The following PPIG variants were observed in gnomAD, a reference collection of about 807,000 sequenced individuals.
The protein encoded by PPIG is peptidylprolyl isomerase G, also known as peptidyl-prolyl cis-trans isomerase G.
Under a neutral mutation model 87.9 loss-of-function variants are expected in PPIG, and 26 were observed. That is an observed-to-expected ratio of 0.30 (90% CI 0.22 to 0.41). The LOEUF (loss-of-function observed/expected upper bound fraction) is 0.41. Ranked by LOEUF, PPIG falls within the 10% of genes least tolerant of loss-of-function variation. PPIG has a pLI of 1.00. For missense variants in PPIG, 722 were observed against 879.4 expected (o/e 0.82, Z 2.26); for synonymous variants, 308 against 276.5 (o/e 1.11, Z -1.13).
At chr2:169,629,747 A>ATGTTGTGATGATGATATC (rs1454597443) in intron 9 of PPIG, among the ~76,000 whole-genome samples, 13 of 152,314 alleles carry the variant, frequency 8.5e-5, no homozygotes, top group Non-Finnish European at 2.9e-5. Flanking sequence ...CCTCACAAGA[A>ATGTTGTGATGATGATATC]GTTGTAAAAC....
intron 9 of PPIG, among the ~76,000 whole-genome samples, chr2:169,616,545 C>T (rs11687106): frequency 3.3e-5 from 5 of 151,976 alleles, no homozygotes; most frequent in South Asian, 4.1e-4. Context: ...TTCTAACTGG[C>T]GTGAGATGGT....
chr2:169,600,452 G>A (rs753037389), intron 1 of PPIG, among the ~76,000 whole-genome samples: 16 of 152,130 alleles, frequency 1.1e-4, no homozygotes, highest in Admixed American at 4.6e-4. Flanking sequence ...ATATTATTGC[G>A]GATTTCTGAC....
Position 169,638,578 on chromosome 2 carries a change from A to G in PPIG, c.*1055A>G, listed in dbSNP as rs1251354832. On this transcript the variant is annotated 3_prime_UTR_variant, in exon 14 of 14. Transcript: ENST00000260970. Reference sequence around the variant, plus strand: ...TGGCAAGAAAATGCATCTTTTCTATATATGTATCACGATAGGCTATAGCAT... The same window carrying G: ...TGGCAAGAAAATGCATCTTTTCTATGTATGTATCACGATAGGCTATAGCAT... 1.3e-5 allele frequency: 2 copies of G among 151,992 alleles called. No homozygotes were observed. Among genetic ancestry groups the G allele is most frequent in the East Asian group, 1.9e-4 (1 of 5,196 alleles). The allele number at this position is 151,992 out of a possible 1,614,324, so 9.4% of individuals were successfully genotyped here. A position where few individuals can be genotyped will look rare whatever the true frequency, so the allele number is the denominator to read the frequency against.
chr2:169,637,425 CA>C lies in PPIG; in HGVS notation c.2172del (p.Lys724AsnfsTer33). 1 of 1,611,278 alleles carries C rather than the reference CA, an allele frequency of 6.2e-7. No individual in the cohort carries two copies. The highest frequency in any genetic ancestry group is 2.2e-5 in the East Asian group (1 of 44,788). Reference protein sequence around the residue: ...KIRSSVEKENQKSKGQENDHV... With the variant: ...KIRSSVEKENXKSKGQENDHV... ...CAGATCCTCAGTGGAAAAAGAAAAC[CA>C]AAAATCAAAAGGTCAAGAAAATGAC... On this transcript the variant is annotated frameshift_variant, in exon 14 of 14. Transcript: ENST00000260970. LOFTEE classifies it high-confidence loss of function.
At chr2:169,623,599 G>T (rs1023933134) in intron 9 of PPIG, among the ~76,000 whole-genome samples, 9 of 152,182 alleles carry the variant, frequency 5.9e-5, no homozygotes, top group African/African-American at 2.2e-4. Flanking sequence ...AGCAGCTGGT[G>T]AATCTTGTAC....
chr2:169,617,963 CCATT>C (rs1191605685), intron 9 of PPIG, among the ~76,000 whole-genome samples: 1 of 152,118 alleles, frequency 6.6e-6, no homozygotes, highest in East Asian at 1.9e-4. Flanking sequence ...CAGCTTTTGT[CCATT>C]CAGTATGTAT....
At chr2:169,613,576 T>A (rs1426112098) in intron 7 of PPIG, among the ~76,000 whole-genome samples, 1 of 152,192 alleles carries the variant, frequency 6.6e-6, no homozygotes, top group Non-Finnish European at 1.5e-5. Flanking sequence ...TGCCAAAAAA[T>A]GCTTATTTTA....
At chr2:169,594,071 G>T (rs1182158335) in intron 1 of PPIG, among the ~76,000 whole-genome samples, 1 of 152,048 alleles carries the variant, frequency 6.6e-6, no homozygotes, top group African/African-American at 2.4e-5. Context: ...GGTTGCTTTT[G>T]ATTATATGTT....
At chr2:169,616,239 T>C (rs372973249) in intron 9 of PPIG, among the ~76,000 whole-genome samples, 1 of 152,162 alleles carries the variant, frequency 6.6e-6, no homozygotes, top group Non-Finnish European at 1.5e-5. Flanking sequence ...TTCTTTATCC[T>C]GTCTATCATT....
Position 169,626,898 on chromosome 2 carries a change from C to T in PPIG, c.548-3876C>T, listed in dbSNP as rs1329922127. On this transcript the variant is annotated intron_variant, in intron 9 of 13. Coordinates refer to ENST00000260970, the MANE Select transcript of PPIG (RefSeq NM_004792.3). Reference sequence around the variant, plus strand: ...TTAATTTTTGTATCTCTAGTGGAGGCGGGGTTTCACCATGTTGGCCAGGCT... The same window carrying T: ...TTAATTTTTGTATCTCTAGTGGAGGTGGGGTTTCACCATGTTGGCCAGGCT... Among the ~76,000 whole-genome samples, 4 of 148,012 alleles carry T rather than the reference C, an allele frequency of 2.7e-5. No individual in the cohort carries two copies. In the South Asian group the frequency reaches 6.5e-4, roughly 24 times the overall value.
At chr2:169,619,551 C>G (rs1685688358) in intron 9 of PPIG, among the ~76,000 whole-genome samples, 1 of 152,090 alleles carries the variant, frequency 6.6e-6, no homozygotes, top group Non-Finnish European at 1.5e-5. Context: ...AATCTGGGTG[C>G]TCCTGTATTG....
At chr2:169,620,223 G>GT (rs1346704879) in intron 9 of PPIG, among the ~76,000 whole-genome samples, 4 of 152,048 alleles carry the variant, frequency 2.6e-5, no homozygotes, top group African/African-American at 9.6e-5. Context: ...CAAGTCTTAT[G>GT]TTTAAGTCAT....
intron 1 of PPIG, among the ~76,000 whole-genome samples, chr2:169,596,385 G>A (rs994562318): frequency 2.6e-5 from 4 of 152,080 alleles, no homozygotes; most frequent in African/African-American, 9.7e-5. Flanking sequence ...GATTACAGGC[G>A]TGAGCCTTCG....
chr2:169,604,600 G>A (rs1030574263), intron 4 of PPIG, among the ~76,000 whole-genome samples: 9 of 151,736 alleles, frequency 5.9e-5, no homozygotes, highest in African/African-American at 1.2e-4. Flanking sequence ...GGGCAGCCAG[G>A]CGCAGTGGCT....
At position 169,594,821 on chromosome 2, in the gene PPIG, T is replaced by C. The variant is rs1256889308; in HGVS notation, c.-69-8821T>C. On this transcript the variant is annotated intron_variant, in intron 1 of 13. Transcript: ENST00000260970. The stretch of plus-strand genomic sequence containing the variant: ...TTTGTATTTTTTAGTGGAGACGGAA[T>C]TTCACCATGTTGGGCTGGCTAGTCT... Among the ~76,000 whole-genome samples the C allele has an allele frequency of 3.9e-5, 6 of 152,108 alleles. No individual in the cohort carries two copies. In the East Asian group the frequency reaches 9.7e-4, roughly 25 times the overall value.
At chr2:169,623,015 G>T (rs12464093) in intron 9 of PPIG, among the ~76,000 whole-genome samples, 53,922 of 151,920 alleles carry the variant, frequency 0.35, 9,991 homozygotes, top group African/African-American at 0.47. Context: ...GTGTTCTTGG[G>T]GAGTCTGGGC....
intron 1 of PPIG, among the ~76,000 whole-genome samples, chr2:169,592,124 C>A (rs567049125): frequency 6.7e-6 from 1 of 149,822 alleles, no homozygotes; most frequent in Non-Finnish European, 1.5e-5. Flanking sequence ...GAGATGGGGT[C>A]TTGCTGTTGC....
At chr2:169,625,837 C>T (rs1049820113) in intron 9 of PPIG, among the ~76,000 whole-genome samples, 1 of 152,090 alleles carries the variant, frequency 6.6e-6, no homozygotes, top group Non-Finnish European at 1.5e-5. Flanking sequence ...AACTGTTCCA[C>T]CTCAGATCAT....
chr2:169,628,766 C>T (rs146495822), intron 9 of PPIG, among the ~76,000 whole-genome samples: 49 of 151,904 alleles, frequency 3.2e-4, no homozygotes, highest in Non-Finnish European at 5.7e-4. Flanking sequence ...ATGGGGAGAA[C>T]TTGTCTCTAC....
Sources: allele counts gnomAD v4.1 joint callset (sites outside exome capture counted in the v4.1 genomes callset), GRCh38; gene constraint gnomAD v4.1.1; transcripts MANE v1.5; gene names NCBI Gene and HGNC (gene_info 2026-07-23, HGNC 2026-07-21).